FAT1: variants seen among roughly 807,000 people sequenced by gnomAD.
FAT1 encodes the protein protocadherin Fat 1.
Under a neutral mutation model 329.8 loss-of-function variants are expected in FAT1, and 171 were observed. The ratio of observed to expected loss-of-function variants is 0.52; its 90% confidence interval spans 0.46 to 0.59. FAT1 has a LOEUF of 0.59. FAT1 is among the 20% of genes least tolerant of loss of function. FAT1 has a pLI of 0.00. For missense variants in FAT1, 5,672 were observed against 5,774.4 expected (o/e 0.98, Z 0.57); for synonymous variants, 2,233 against 2,228.6 (o/e 1.00, Z -0.06).
chr4:186,681,636 C>T (rs1055098159), intron 2 of FAT1, among the ~76,000 whole-genome samples: 2 of 152,196 alleles, frequency 1.3e-5, no homozygotes, highest in African/African-American at 4.8e-5. Context: ...TCCACAGCAA[C>T]GTTGTTCACT....
rs770330408 is a variant in FAT1 at position 186,603,611 on chromosome 4, A to G, written c.10915T>C (p.Leu3639=). The stretch of plus-strand genomic sequence containing the variant: ...AAGCGGATCGCGATGGTGTGGTTCA[A>G]CATCTCCTGTGTGACTTGTCTGATA... ...VHIRQVTQEM[L]NHTIAIRFAN... is the part of the protein sequence containing the mutation. Residue 3639 remains leucine (L), a synonymous_variant, in exon 19 of 27, where the codon TTG becomes CTG. Transcript: ENST00000441802. The G allele has an allele frequency of 1.9e-6, 3 of 1,613,894 alleles. No homozygotes were observed.
At chr4:186,626,699 T>C (rs664141) in intron 9 of FAT1, among the ~76,000 whole-genome samples, 2,272 of 105,120 alleles carry the variant, frequency 0.022, 81 homozygotes, top group East Asian at 0.081. Flanking sequence ...GCACATAAAG[T>C]GAGCTTCATC....
Position 186,714,848 on chromosome 4 carries a change from G to A in FAT1, c.-18-5003C>T, listed in dbSNP as rs531585129. Among the ~76,000 whole-genome samples the A allele has an allele frequency of 3.3e-5, 5 of 152,358 alleles. No homozygotes were observed. In the East Asian group the frequency reaches 9.7e-4, roughly 29 times the overall value. On this transcript the variant is annotated intron_variant, in intron 1 of 26. Coordinates refer to ENST00000441802, the MANE Select transcript of FAT1 (RefSeq NM_005245.4). Reference sequence around the variant, plus strand: ...TAATCCCAGCACTTCGGGAGGCCGAGGCAGGCGGATCACGAGGTCAAGAGA... The same window carrying A: ...TAATCCCAGCACTTCGGGAGGCCGAAGCAGGCGGATCACGAGGTCAAGAGA...
At chr4:186,685,793 A>T (rs1417302255) in intron 2 of FAT1, among the ~76,000 whole-genome samples, 2 of 152,224 alleles carry the variant, frequency 1.3e-5, no homozygotes, top group Non-Finnish European at 2.9e-5. Flanking sequence ...TAAAAAAGAG[A>T]ATACTGGCAG....
chr4:186,603,007 C>T lies in FAT1; in HGVS notation c.11378G>A (p.Gly3793Asp), dbSNP rs1205629992. The T allele has an allele frequency of 6.2e-7, 1 of 1,613,840 alleles. No individual in the cohort carries two copies. Among genetic ancestry groups the T allele is most frequent in the Non-Finnish European group, 8.5e-7 (1 of 1,179,898 alleles). Residue 3793 changes from glycine to aspartate, a missense_variant, in exon 20 of 27, where the codon GGC becomes GAC. Coordinates refer to ENST00000441802, the MANE Select transcript of FAT1 (RefSeq NM_005245.4). ...CTCAGGGCACGGATCATCTTCACAGCCATGGTGGACAGGTGGGCACCTTCC... is the reference window on the plus strand; with the variant it reads ...CTCAGGGCACGGATCATCTTCACAGTCATGGTGGACAGGTGGGCACCTTCC... ...KEGRCPPVHH[G>D]CEDDPCPEGS...
chr4:186,593,546 G>A (rs1434185286), intron 26 of FAT1, among the ~76,000 whole-genome samples: 2 of 152,172 alleles, frequency 1.3e-5, no homozygotes, highest in East Asian at 1.9e-4. Flanking sequence ...GATTACCTGG[G>A]TGGGCCCAGT....
At chr4:186,661,972 C>G (rs772181741) in intron 3 of FAT1, among the ~76,000 whole-genome samples, 6 of 152,062 alleles carry the variant, frequency 3.9e-5, no homozygotes, top group Non-Finnish European at 8.8e-5. Flanking sequence ...GAGAGGACTC[C>G]CAAGGTGTCC....
chr4:186,591,867 C>A (rs1738254949), intron 26 of FAT1, among the ~76,000 whole-genome samples: 1 of 152,086 alleles, frequency 6.6e-6, no homozygotes, highest in Non-Finnish European at 1.5e-5. Context: ...ATAAAGGATC[C>A]CCCGAACTCT....
In FAT1 at chr4:186,618,728, C is replaced by T. The variant is rs2126498343; in HGVS notation, c.7858G>A (p.Ala2620Thr). 6.2e-7 allele frequency: 1 copy of T among 1,614,022 alleles called. No homozygotes were observed. Among genetic ancestry groups the T allele is most frequent in the East Asian group, 2.2e-5 (1 of 44,890 alleles). ...AKGTSVVKVL[A>T]SDADEGSNAD... ...TTGGAGCCCTCATCGGCATCACTTG[C>T]AAGAACTTTAACGACTGAAGTCCCT... Residue 2620 changes from alanine (A) to threonine (T), a missense_variant, in exon 10 of 27, where the codon GCA becomes ACA. By Grantham distance (58) the Ala-to-Thr change is moderately conservative. Around this residue, in one of 2 missense-constraint regions of FAT1, gnomAD observed 3,966 missense variants for 3,915.2 expected, o/e 1.01. Transcript: ENST00000441802.
At chr4:186,625,222 C>T (rs1740243854) in intron 9 of FAT1, among the ~76,000 whole-genome samples, 1 of 152,194 alleles carries the variant, frequency 6.6e-6, no homozygotes, top group South Asian at 2.1e-4. Flanking sequence ...GACAGAATTA[C>T]TTTATTGAAG....
rs1254352699 is a variant in FAT1 at position 186,628,737 on chromosome 4, A to T, written c.4350T>A (p.Asn1450Lys). The T allele has an allele frequency of 6.2e-7, 1 of 1,613,472 alleles. No homozygotes were observed. The highest frequency in any genetic ancestry group is 8.5e-7 in the Non-Finnish European group (1 of 1,179,814). ...TQVFIKVIDTNDHRPQFSTSK... is the reference protein window; with the variant it reads ...TQVFIKVIDTKDHRPQFSTSK... ...ATGTAGAAAACTGAGGACGATGGTC[A>T]TTTGTGTCTATTACTTTGATGAATA... Residue 1450 changes from asparagine (N) to lysine (K), a missense_variant, in exon 8 of 27, where the codon AAT (asparagine) becomes AAA (lysine). Asn to Lys is a moderately conservative substitution (Grantham distance 94). Around this residue, in one of 2 missense-constraint regions of FAT1, gnomAD observed 3,966 missense variants for 3,915.2 expected, o/e 1.01. Coordinates refer to ENST00000441802, the MANE Select transcript of FAT1 (RefSeq NM_005245.4).
Position 186,596,980 on chromosome 4 carries a change from A to T in FAT1, c.12560T>A (p.Val4187Glu), listed in dbSNP as rs2126392850. 1 of 1,613,950 alleles carries T rather than the reference A, an allele frequency of 6.2e-7. No homozygotes were observed. Among genetic ancestry groups the T allele is most frequent in the Non-Finnish European group, 8.5e-7 (1 of 1,179,844 alleles). ...CAGTAAAAATATCCCTGCAACAAAC[A>T]CAACGATTCCAATTCCTTCCGCCAA... ...IGLAEGIGIV[V>E]FVAGIFLLVV... Residue 4187 changes from valine (V) to glutamate (E), a missense_variant, in exon 25 of 27, where the codon GTG becomes GAG. Transcript: ENST00000441802. The surrounding 1 kb of genome is among the most constrained non-coding windows in gnomAD (Gnocchi z 4.7).
intron 2 of FAT1, among the ~76,000 whole-genome samples, chr4:186,683,201 C>A (rs1260748317): frequency 6.6e-6 from 1 of 152,218 alleles, no homozygotes; most frequent in Non-Finnish European, 1.5e-5. Context: ...GCCATGCACA[C>A]CCTGCAAAAA....
intron 2 of FAT1, among the ~76,000 whole-genome samples, chr4:186,682,716 A>G (rs976856715): frequency 2.6e-5 from 4 of 152,182 alleles, no homozygotes; most frequent in African/African-American, 9.7e-5. Flanking sequence ...CAAAGAGGAC[A>G]CTGGGTCTGG....
At chr4:186,607,669 GGGTGGGTGGACAGGTC>G (rs1363656555) in intron 16 of FAT1, among the ~76,000 whole-genome samples, 1 of 151,526 alleles carries the variant, frequency 6.6e-6, no homozygotes, top group African/African-American at 2.4e-5. Flanking sequence ...CTAGATAGAT[GGGTGGGTGGACAGGTC>G]GGTGGGTGGA....
Position 186,617,096 on chromosome 4 carries a change from G to C in FAT1, c.8984C>G (p.Thr2995Ser). The change falls in exon 11 of 27, where the codon ACT (threonine) becomes AGT (serine). Residue 2995 changes from threonine to serine, a missense_variant. Physicochemically the swap from Thr to Ser is moderately conservative, Grantham distance 58 (BLOSUM62 1). Transcript: ENST00000441802. ...GAAGGTGCCATCAGTTGCCGTGATA[G>C]TAAGAAGGTAATTGTCCCTTTTTTC... ...DREKRDNYLL[T>S]ITATDGTFSS... The C allele has an allele frequency of 2.5e-6, 4 of 1,613,972 alleles. No homozygotes were observed. The highest frequency in any genetic ancestry group is 3.4e-6 in the Non-Finnish European group (4 of 1,179,880).
In FAT1 at chr4:186,588,150, G is replaced by A. The variant is rs1366827381; in HGVS notation, c.*442C>T. ...ATAGTAAAAAAAAAAAAATCAGGGT[G>A]CTAGATAATGGCACTGACACCACCA... is the stretch of plus-strand genomic sequence containing the variant. On this transcript the variant is annotated 3_prime_UTR_variant, in exon 27 of 27. Transcript: ENST00000441802. 3 of 224,618 alleles carry A rather than the reference G, an allele frequency of 1.3e-5. No individual in the cohort carries two copies. Among genetic ancestry groups the A allele is most frequent in the Non-Finnish European group, 1.8e-5 (2 of 112,966 alleles). 13.9% of individuals were successfully genotyped at this position (224,618 alleles called of 1,614,324 possible).
At chr4:186,661,364 C>T (rs1349292034) in intron 3 of FAT1, among the ~76,000 whole-genome samples, 1 of 152,206 alleles carries the variant, frequency 6.6e-6, no homozygotes, top group African/African-American at 2.4e-5. Context: ...ACGCTGCAGA[C>T]AGAGGCCAAG....
At chr4:186,599,735 C>T (rs1738704188) in intron 22 of FAT1, among the ~76,000 whole-genome samples, 163 bp downstream of exon 22, 1 of 152,196 alleles carries the variant, frequency 6.6e-6, no homozygotes, top group Non-Finnish European at 1.5e-5. Context: ...GCAGACCCAG[C>T]TCTGCCCCCG....
Sources: gnomAD v4.1 joint callset for allele counts (sites outside exome capture counted in the v4.1 genomes callset) on GRCh38, gnomAD v4.1.1 for gene constraint, gnomAD v4.1.1 regional missense constraint, Gnocchi (gnomAD v3.1) non-coding constraint, MANE v1.5 for transcripts, NCBI Gene and HGNC (gene_info 2026-07-23, HGNC 2026-07-21) for gene names.